The following TIAM1 variants were observed in gnomAD, a reference collection of about 807,000 sequenced individuals.
TIAM1 encodes the protein rho guanine nucleotide exchange factor TIAM1.
Under a neutral mutation model 163.5 loss-of-function variants are expected in TIAM1, and 65 were observed. The observed-to-expected ratio is 0.40, with a 90% CI of 0.33 to 0.49. The LOEUF (loss-of-function observed/expected upper bound fraction) is 0.49. Ranked by LOEUF, TIAM1 falls within the 20% of genes least tolerant of loss-of-function variation. The pLI, the probability that TIAM1 is intolerant of heterozygous loss-of-function variation, is 0.77. For missense variants in TIAM1, 1,789 were observed against 2,044.7 expected, an observed-to-expected ratio of 0.87 and a Z score of 2.41; for synonymous variants, 833 against 810.1, an observed-to-expected ratio of 1.03 and a Z score of -0.48.
intron 1 of TIAM1, among the ~76,000 whole-genome samples, chr21:31,547,068 G>A (rs545834872): frequency 6.6e-6 from 1 of 152,270 alleles, no homozygotes; most frequent in African/African-American, 2.4e-5. Flanking sequence ...ACTTGGATGA[G>A]ATTCAGAACT....
At chr21:31,425,659 T>TTCTCTCTCTCTTTCTTTC (rs1256115238) in intron 2 of TIAM1, among the ~76,000 whole-genome samples, 2 of 136,536 alleles carry the variant, frequency 1.5e-5, no homozygotes, top group East Asian at 2.4e-4. Context: ...CTTTCTTTCT[T>TTCTCTCTCTCTTTCTTTC]TCTCTCTCTC....
intron 6 of TIAM1, among the ~76,000 whole-genome samples, chr21:31,237,940 G>A (rs760163679): frequency 5.9e-5 from 9 of 152,202 alleles, no homozygotes; most frequent in Non-Finnish European, 1.3e-4. Context: ...TTGAAGGAAA[G>A]AACTTAAATT....
chr21:31,423,121 C>T (rs112955502), intron 2 of TIAM1, among the ~76,000 whole-genome samples: 8 of 100,068 alleles, frequency 8.0e-5, no homozygotes, highest in South Asian at 3.6e-4. Context: ...TTTTTTGAGA[C>T]GGAGTCTGGC....
At chr21:31,191,432 G>A (rs1343364800) in intron 13 of TIAM1, among the ~76,000 whole-genome samples, 1 of 152,204 alleles carries the variant, frequency 6.6e-6, no homozygotes, top group Non-Finnish European at 1.5e-5. Flanking sequence ...GGGATTACAG[G>A]TGTGACCCTC....
chr21:31,338,744 A>C (rs1330605169), intron 2 of TIAM1, among the ~76,000 whole-genome samples: 1 of 152,174 alleles, frequency 6.6e-6, no homozygotes, highest in East Asian at 1.9e-4. Flanking sequence ...CCTGTCATGC[A>C]ATAAAGACGT....
At chr21:31,217,250 T>C (rs2087271741) in intron 9 of TIAM1, among the ~76,000 whole-genome samples, 1 of 151,980 alleles carries the variant, frequency 6.6e-6, no homozygotes, top group African/African-American at 2.4e-5. Context: ...TTGGCTTCAT[T>C]GCAGAGCCCT....
rs187175333 is a variant in TIAM1, at chr21:31,192,490, G to A, written c.2575+2734C>T. Among the ~76,000 whole-genome samples the A allele has an allele frequency of 1.5e-4, 23 of 152,140 alleles. No homozygotes were observed. The East Asian group carries it at 4.3e-3, about 28-fold the overall frequency. Reference sequence around the variant, plus strand: ...AAATTAGCCAGGCATGGTGGCACACGCCTGTAATCCCAGCTACTTGGGAAG... The same window carrying A: ...AAATTAGCCAGGCATGGTGGCACACACCTGTAATCCCAGCTACTTGGGAAG... On this transcript the variant is annotated intron_variant, in intron 13 of 27. Transcript: ENST00000541036.
intron 2 of TIAM1, among the ~76,000 whole-genome samples, chr21:31,455,279 C>CA (rs59134253): frequency 0.014 from 1,205 of 83,922 alleles, 33 homozygotes; most frequent in South Asian, 0.032. Flanking sequence ...AACTCTGCCT[C>CA]AAAAAAAAAA....
chr21:31,430,255 C>T (rs1306126987), intron 2 of TIAM1, among the ~76,000 whole-genome samples: 3 of 142,060 alleles, frequency 2.1e-5, no homozygotes, highest in African/African-American at 5.3e-5. Flanking sequence ...TATACACACA[C>T]ACACACACAC....
intron 1 of TIAM1, among the ~76,000 whole-genome samples, chr21:31,550,670 A>G (rs1013017372): frequency 1.3e-5 from 2 of 152,218 alleles, no homozygotes; most frequent in Non-Finnish European, 2.9e-5. Flanking sequence ...AAAACAATCT[A>G]TAGAGAAAAC....
intron 2 of TIAM1, among the ~76,000 whole-genome samples, chr21:31,411,105 C>A (rs905905850): frequency 6.6e-6 from 1 of 152,000 alleles, no homozygotes; most frequent in African/African-American, 2.4e-5. Flanking sequence ...CATAAAAGCA[C>A]CCCCACCCCC....
chr21:31,546,883 C>T (rs955672369), intron 1 of TIAM1, among the ~76,000 whole-genome samples: 1 of 152,148 alleles, frequency 6.6e-6, no homozygotes, highest in African/African-American at 2.4e-5. Context: ...ATCTTATACC[C>T]TTGAAACAAC....
chr21:31,180,599 GT>G (rs2084969308), intron 15 of TIAM1, among the ~76,000 whole-genome samples: 1 of 152,094 alleles, frequency 6.6e-6, no homozygotes, highest in Non-Finnish European at 1.5e-5. Flanking sequence ...AGTACACACT[GT>G]TGCTTATAGC....
chr21:31,251,828 A>G lies in TIAM1; in HGVS notation c.1325T>C (p.Val442Ala), dbSNP rs1256233201. ...GTVRKAGALA[V>A]KNFLVHKKNK... is the part of the protein sequence containing the mutation. The stretch of plus-strand genomic sequence containing the variant: ...CTTCTTGTGCACCAGGAAGTTCTTG[A>G]CGGCCAGGGCGCCGGCCTTGCGCAC... Residue 442 changes from valine to alanine, a missense_variant, in exon 5 of 28, where the codon GTC (valine) becomes GCC (alanine). By Grantham distance (64) the Val-to-Ala change is moderately conservative. Around this residue, in one of 5 missense-constraint regions of TIAM1, gnomAD observed 456 missense variants for 586.6 expected, o/e 0.78. Coordinates refer to ENST00000541036, the MANE Select transcript of TIAM1 (RefSeq NM_001353694.2). 6.2e-7 allele frequency: 1 copy of G among 1,613,512 alleles called. No homozygotes were observed. Among genetic ancestry groups the G allele is most frequent in the Non-Finnish European group, 8.5e-7 (1 of 1,179,696 alleles).
intron 2 of TIAM1, among the ~76,000 whole-genome samples, chr21:31,387,052 T>C (rs565150051): frequency 2.6e-5 from 4 of 152,222 alleles, no homozygotes; most frequent in Admixed American, 2.6e-4. Context: ...CTCTTAGCTG[T>C]GGCACCACCT....
At chr21:31,167,965 A>T (rs2084317434) in intron 15 of TIAM1, among the ~76,000 whole-genome samples, 1 of 152,208 alleles carries the variant, frequency 6.6e-6, no homozygotes, top group Non-Finnish European at 1.5e-5. Flanking sequence ...CAGTCTAAAA[A>T]GACATAGACT....
At chr21:31,408,993 GC>G (rs10709785) in intron 2 of TIAM1, among the ~76,000 whole-genome samples, 29,240 of 151,398 alleles carry the variant, frequency 0.19, 4,704 homozygotes, top group African/African-American at 0.44. Context: ...TCACCCACAT[GC>G]CCCCCCCTCC....
At chr21:31,490,629 C>T (rs1474815644) in intron 1 of TIAM1, among the ~76,000 whole-genome samples, 1 of 152,166 alleles carries the variant, frequency 6.6e-6, no homozygotes, top group East Asian at 1.9e-4. Context: ...TTACTCCTTG[C>T]CTGTGATTGG....
chr21:31,508,694 C>T (rs73199519), intron 1 of TIAM1, among the ~76,000 whole-genome samples: 6,060 of 152,220 alleles, frequency 0.04, 170 homozygotes, highest in Middle Eastern at 0.075. Flanking sequence ...CCAGACTCAT[C>T]TTGAAATTTC....
Sources: gnomAD v4.1 joint callset for allele counts (sites outside exome capture counted in the v4.1 genomes callset) on GRCh38, gnomAD v4.1.1 for gene constraint, gnomAD v4.1.1 regional missense constraint, MANE v1.5 for transcripts, NCBI Gene and HGNC (gene_info 2026-07-23, HGNC 2026-07-21) for gene names.